Variants in STK40 observed in about 807,000 individuals in gnomAD.
The protein encoded by STK40 is serine/threonine kinase 40, also known as serine/threonine-protein kinase 40.
In STK40, 13 loss-of-function variants were observed where a neutral mutation model predicts 47.9. The ratio of observed to expected loss-of-function variants is 0.27; its 90% CI spans 0.18 to 0.43. The LOEUF (loss-of-function observed/expected upper bound fraction) is 0.43. Ranked by LOEUF, STK40 falls within the 20% of genes least tolerant of loss-of-function variation. STK40 has a pLI of 1.00. For synonymous variants in STK40, 225 were observed against 243.2 expected (o/e 0.93, Z 0.69); for missense variants, 460 against 595.1 (o/e 0.77, Z 2.36).
At chr1:36,344,914 A>G (rs1464359337) in intron 7 of STK40, among the ~76,000 whole-genome samples, 1 of 152,248 alleles carries the variant, frequency 6.6e-6, no homozygotes, top group Non-Finnish European at 1.5e-5. Context: ...ACAGCATGGG[A>G]AGAAACACTT....
In STK40 at chr1:36,355,416, G is replaced by A. The variant is rs745965678; in HGVS notation, c.360C>T (p.Ile120=). Reference sequence around the variant, plus strand: ...TCCGGCTGGATTCTGTGTCCTCAACGATTTCACAGGTGCGGTCCTGGGAGG... The same window carrying A: ...TCCGGCTGGATTCTGTGTCCTCAACAATTTCACAGGTGCGGTCCTGGGAGG... ...HGLFQDRTCE[I]VEDTESSRMV... is the part of the protein sequence containing the mutation. Residue 120 remains isoleucine, a synonymous_variant, in exon 5 of 11, where the codon ATC becomes ATT. Coordinates refer to ENST00000373132, the MANE Select transcript of STK40 (RefSeq NM_001282547.2). 1.2e-6 allele frequency: 2 copies of A among 1,614,166 alleles called. No homozygotes were observed. Among genetic ancestry groups the A allele is most frequent in the Non-Finnish European group, 1.7e-6 (2 of 1,180,026 alleles).
intron 7 of STK40, among the ~76,000 whole-genome samples, chr1:36,347,995 G>C (rs910590137): frequency 3.3e-5 from 5 of 152,220 alleles, no homozygotes; most frequent in African/African-American, 1.2e-4. Flanking sequence ...ATCCCCACTA[G>C]AAAGTCAGCT....
At chr1:36,374,581 G>A (rs1646976125) in intron 1 of STK40, among the ~76,000 whole-genome samples, 1 of 152,208 alleles carries the variant, frequency 6.6e-6, no homozygotes, top group African/African-American at 2.4e-5. Flanking sequence ...CAGCTGATGT[G>A]ACAACAAATA....
intron 1 of STK40, among the ~76,000 whole-genome samples, chr1:36,383,526 T>C (rs1647058652): frequency 6.6e-6 from 1 of 152,224 alleles, no homozygotes; most frequent in South Asian, 2.1e-4. Context: ...CCAACTCTCC[T>C]CTCTCAGAAG....
intron 1 of STK40, among the ~76,000 whole-genome samples, chr1:36,377,635 A>C (rs780259719): frequency 6.6e-6 from 1 of 152,078 alleles, no homozygotes; most frequent in Non-Finnish European, 1.5e-5. Context: ...AGGTGTAAGC[A>C]TAAGTGCCCT....
intron 1 of STK40, among the ~76,000 whole-genome samples, chr1:36,382,704 G>C (rs1307461101): frequency 6.6e-6 from 1 of 152,164 alleles, no homozygotes; most frequent in Non-Finnish European, 1.5e-5. Flanking sequence ...TAGTTGCCAT[G>C]AATTGCTGCA....
At chr1:36,378,770 T>C (rs891933417) in intron 1 of STK40, among the ~76,000 whole-genome samples, 3 of 152,110 alleles carry the variant, frequency 2.0e-5, no homozygotes, top group African/African-American at 7.2e-5. Flanking sequence ...CTCCTTTTTT[T>C]GCTGGTTTCC....
chr1:36,356,424 T>C lies in STK40; in HGVS notation c.343-991A>G, dbSNP rs796200676. On this transcript the variant is annotated intron_variant, in intron 4 of 10. Transcript: ENST00000373132. ...ATCCACATTTCTTCTTTTTCTTTTTTTTTTTTTTTTTTTTTTTGTGAGACG... is the reference window on the plus strand; with the variant it reads ...ATCCACATTTCTTCTTTTTCTTTTTCTTTTTTTTTTTTTTTTTGTGAGACG... Among the ~76,000 whole-genome samples the C allele has an allele frequency of 4.0e-3, 508 of 126,792 alleles. 1 individual carries two copies. The highest frequency in any genetic ancestry group is 0.015 in the African/African-American group (369 of 24,720). 83.2% of individuals were successfully genotyped at this position (126,792 alleles called of 152,430 possible).
chr1:36,382,503 A>G (rs1647048671), intron 1 of STK40, among the ~76,000 whole-genome samples: 1 of 151,964 alleles, frequency 6.6e-6, no homozygotes, highest in Non-Finnish European at 1.5e-5. Flanking sequence ...TTAAAGTACT[A>G]TTTTTTTCTC....
intron 6 of STK40, among the ~76,000 whole-genome samples, chr1:36,349,901 G>C (rs562482192): frequency 1.3e-5 from 2 of 152,268 alleles, no homozygotes; most frequent in East Asian, 1.9e-4. Context: ...GAGAAGCTAG[G>C]GGGAGAAGCT....
At chr1:36,358,656 G>T in intron 3 of STK40, 81 bp downstream of exon 3, 2 of 1,446,278 alleles carry the variant, frequency 1.4e-6, no homozygotes, top group Non-Finnish European at 9.7e-7. Context: ...AATGACGCAG[G>T]TGTGAAGGTG....
At chr1:36,380,480 A>G (rs905962156) in intron 1 of STK40, among the ~76,000 whole-genome samples, 21 of 152,146 alleles carry the variant, frequency 1.4e-4, no homozygotes, top group Admixed American at 6.6e-5. Context: ...GGCAGATATC[A>G]GTCCTTCCTG....
intron 1 of STK40, among the ~76,000 whole-genome samples, chr1:36,370,161 C>T (rs1646933160): frequency 6.6e-6 from 1 of 152,254 alleles, no homozygotes; most frequent in South Asian, 2.1e-4. Flanking sequence ...TTTGCTTAGA[C>T]AGCATTTGCT....
At chr1:36,378,833 A>G (rs1021370719) in intron 1 of STK40, among the ~76,000 whole-genome samples, 2 of 152,146 alleles carry the variant, frequency 1.3e-5, no homozygotes, top group African/African-American at 4.8e-5. Flanking sequence ...AACACACACT[A>G]TGAAACTTAC....
chr1:36,342,178 C>G, intron 10 of STK40: 4 of 592,640 alleles, frequency 6.7e-6, no homozygotes, highest in Non-Finnish European at 1.2e-5. Context: ...ACTCCCCTTG[C>G]AGGCCGCCCT....
At chr1:36,360,620 C>T (rs916733818) in intron 2 of STK40, among the ~76,000 whole-genome samples, 1 of 152,044 alleles carries the variant, frequency 6.6e-6, no homozygotes, top group African/African-American at 2.4e-5. Context: ...ACTGTAACCT[C>T]AAACTCCTGG....
intron 1 of STK40, among the ~76,000 whole-genome samples, chr1:36,371,321 G>A (rs1431158849): frequency 1.3e-5 from 2 of 151,562 alleles, no homozygotes; most frequent in Non-Finnish European, 3.0e-5. Context: ...TTGGGAGGCT[G>A]AGGCGGGTGG....
chr1:36,341,728 C>T lies in STK40; in HGVS notation c.*27G>A. On this transcript the variant is annotated 3_prime_UTR_variant, in exon 11 of 11. Transcript: ENST00000373132. ...TGGCTGGGGCTGGAAGAAGTGGCAG[C>T]AGTGCTGGTGGCCCCGGCTGAGGCT... The T allele has an allele frequency of 6.2e-7, 1 of 1,605,424 alleles. No homozygotes were observed. The highest frequency in any genetic ancestry group is 8.5e-7 in the Non-Finnish European group (1 of 1,175,240).
At chr1:36,367,884 G>A (rs779597934) in intron 1 of STK40, 108 of 985,408 alleles carry the variant, frequency 1.1e-4, no homozygotes, top group Non-Finnish European at 1.3e-4. Flanking sequence ...CCAGGATGAA[G>A]AGTCCGCCAG....
Sources: allele counts gnomAD v4.1 joint callset (sites outside exome capture counted in the v4.1 genomes callset), GRCh38; gene constraint gnomAD v4.1.1; transcripts MANE v1.5; gene names NCBI Gene and HGNC (gene_info 2026-07-23, HGNC 2026-07-21).